Variants in SPARC observed in about 807,000 individuals in gnomAD.
The protein encoded by SPARC is secreted protein acidic and cysteine rich.
SPARC carries 23 observed loss-of-function variants against 37.7 expected under a neutral mutation model. The ratio of observed to expected loss-of-function variants is 0.61; its 90% CI spans 0.44 to 0.87. The LOEUF (loss-of-function observed/expected upper bound fraction) is 0.87. Ranked by LOEUF, SPARC falls within the 40% of genes least tolerant of loss-of-function variation. The pLI, the probability that SPARC is intolerant of heterozygous loss-of-function variation, is 0.00. For missense variants in SPARC, 312 were observed against 389.0 expected (o/e 0.80, Z 1.66); for synonymous variants, 155 against 150.8 (o/e 1.03, Z -0.20).
chr5:151,683,978 T>C lies in SPARC; in HGVS notation c.-14+2887A>G, dbSNP rs185442636. Among the ~76,000 whole-genome samples the C allele has an allele frequency of 4.6e-5, 7 of 152,350 alleles. No individual in the cohort carries two copies. In the East Asian group the frequency reaches 1.3e-3, roughly 29 times the overall value. On this transcript the variant is annotated intron_variant, in intron 1 of 9. Transcript: ENST00000231061. Reference sequence around the variant, plus strand: ...ATATTTATCTACCTACATAAACAACTTCAAAAGCCAAATATTCTACTGTTT... The same window carrying C: ...ATATTTATCTACCTACATAAACAACCTCAAAAGCCAAATATTCTACTGTTT...
chr5:151,682,460 A>T (rs888559264), intron 1 of SPARC, among the ~76,000 whole-genome samples: 2 of 152,178 alleles, frequency 1.3e-5, no homozygotes, highest in Non-Finnish European at 2.9e-5. Context: ...TCCCAAAGAT[A>T]GCAAATATGT....
intron 1 of SPARC, among the ~76,000 whole-genome samples, chr5:151,677,768 T>A (rs1313068918): frequency 6.6e-6 from 1 of 152,216 alleles, no homozygotes; most frequent in Non-Finnish European, 1.5e-5. Context: ...CACTTCATAA[T>A]GGTCCTTTCT....
chr5:151,679,829 C>T (rs1004697101), intron 1 of SPARC: 2 of 152,200 alleles, frequency 1.3e-5, no homozygotes, highest in Non-Finnish European at 2.9e-5. Flanking sequence ...AACGTTAGAA[C>T]AGGGGGGATA....
intron 3 of SPARC, among the ~76,000 whole-genome samples, chr5:151,674,406 C>G (rs1760812886): frequency 6.6e-6 from 1 of 152,144 alleles, no homozygotes. Context: ...TCCTGGTCCC[C>G]AAACGTAGGG....
chr5:151,684,207 G>A (rs141539206), intron 1 of SPARC, among the ~76,000 whole-genome samples: 160 of 152,264 alleles, frequency 1.1e-3, no homozygotes, highest in African/African-American at 3.6e-3. Flanking sequence ...CTTTTCAACT[G>A]GGGGTGCAGT....
rs1053411 is a variant in SPARC at position 151,663,542 on chromosome 5, G to C, written c.*29C>G. 0.16 allele frequency: 259,959 copies of C among 1,605,196 alleles called. 25,389 individuals are homozygous for C. Among genetic ancestry groups the C allele is most frequent in the East Asian group, 0.41 (18,290 of 44,816 alleles). ...GAAACACGAAGGGGAGGGTTAAAGA[G>C]AGAATCCGGTACTGTGGAAGGAGTG... On this transcript the variant is annotated 3_prime_UTR_variant, in exon 10 of 10. Transcript: ENST00000231061.
intron 8 of SPARC, among the ~76,000 whole-genome samples, chr5:151,665,237 A>T (rs1760596077): frequency 6.6e-6 from 1 of 152,132 alleles, no homozygotes; most frequent in African/African-American, 2.4e-5. Context: ...CTTGCACCCC[A>T]TCTGAAAGCC....
chr5:151,667,322 G>T, intron 7 of SPARC, 145 bp downstream of exon 7: 1 of 853,752 alleles, frequency 1.2e-6, no homozygotes. Flanking sequence ...GCCTCCAAAG[G>T]CAGGAAGAGA....
At chr5:151,674,579 G>A in intron 3 of SPARC, 33 bp downstream of exon 3, 1 of 1,607,898 alleles carries the variant, frequency 6.2e-7, no homozygotes, top group Non-Finnish European at 8.5e-7. Context: ...CAGGTAGAGA[G>A]GGGCTAAGGG....
At position 151,667,497 on chromosome 5, in the gene SPARC, G is replaced by A. The variant is rs1760650414; in HGVS notation, c.555C>T (p.Asn185=). The change falls in exon 7 of 10, where the codon AAC becomes AAT. Residue 185 remains asparagine (N), a synonymous_variant. Coordinates refer to ENST00000231061, the MANE Select transcript of SPARC (RefSeq NM_003118.4). The part of the protein sequence containing the change: ...LVTLYERDED[N]NLLTEKQKLR... ...GCTTCTGCTTCTCAGTCAGAAGGTTGTTGTCCTCATCCCTCTCATACAGGG... is the reference window on the plus strand; with the variant it reads ...GCTTCTGCTTCTCAGTCAGAAGGTTATTGTCCTCATCCCTCTCATACAGGG... 2 of 1,614,122 alleles carry A rather than the reference G, an allele frequency of 1.2e-6. No individual in the cohort carries two copies. Among genetic ancestry groups the A allele is most frequent in the African/African-American group, 1.3e-5 (1 of 74,940 alleles).
chr5:151,675,654 T>A (rs1561921201), intron 2 of SPARC, among the ~76,000 whole-genome samples: 1 of 152,196 alleles, frequency 6.6e-6, no homozygotes, highest in Non-Finnish European at 1.5e-5. Context: ...GCCTTTAATA[T>A]TATAATCTAC....
chr5:151,675,534 A>C (rs1014215083), intron 2 of SPARC, among the ~76,000 whole-genome samples: 4 of 152,148 alleles, frequency 2.6e-5, no homozygotes, highest in African/African-American at 9.7e-5. Flanking sequence ...CATTCTCTCA[A>C]GATGTGAAAA....
intron 3 of SPARC, among the ~76,000 whole-genome samples, 191 bp downstream of exon 3, chr5:151,674,421 G>A (rs1018728010): frequency 1.3e-5 from 2 of 152,136 alleles, no homozygotes; most frequent in Admixed American, 6.5e-5. Flanking sequence ...GTAGGGTTCC[G>A]TTGAAGGTTT....
intron 3 of SPARC, among the ~76,000 whole-genome samples, chr5:151,673,759 T>C (rs1052413675): frequency 1.3e-5 from 2 of 152,194 alleles, no homozygotes; most frequent in Admixed American, 1.3e-4. Context: ...ACATGTTGAT[T>C]GAAGTCTCGT....
chr5:151,669,133 G>T (rs1476927620), intron 6 of SPARC, among the ~76,000 whole-genome samples: 1 of 152,196 alleles, frequency 6.6e-6, no homozygotes, highest in Non-Finnish European at 1.5e-5. Flanking sequence ...TTCCAGAAGA[G>T]GGTGCTTATC....
intron 1 of SPARC, among the ~76,000 whole-genome samples, chr5:151,680,948 G>A (rs1760974612): frequency 6.6e-6 from 1 of 152,122 alleles, no homozygotes; most frequent in Non-Finnish European, 1.5e-5. Flanking sequence ...GGGGTGTTTG[G>A]GTGGAACAAA....
chr5:151,665,340 T>C (rs1760597757), intron 8 of SPARC, among the ~76,000 whole-genome samples: 1 of 152,018 alleles, frequency 6.6e-6, no homozygotes, highest in African/African-American at 2.4e-5. Context: ...CCATAATGAG[T>C]GACTCAGTTG....
chr5:151,683,401 AT>A (rs1213300433), intron 1 of SPARC, among the ~76,000 whole-genome samples: 1 of 152,042 alleles, frequency 6.6e-6, no homozygotes, highest in Non-Finnish European at 1.5e-5. Flanking sequence ...ACAAATGGGG[AT>A]TGGGGGGGAA....
In SPARC at chr5:151,666,905, T is replaced by G. The variant is rs568877744; in HGVS notation, c.586-396A>C. Among the ~76,000 whole-genome samples, 33 of 152,268 alleles carry G rather than the reference T, an allele frequency of 2.2e-4. No individual in the cohort carries two copies. In the East Asian group the frequency reaches 6.2e-3, roughly 28 times the overall value. On this transcript the variant is annotated intron_variant, in intron 7 of 9. Coordinates refer to ENST00000231061, the MANE Select transcript of SPARC (RefSeq NM_003118.4). ...GCCAGGTGTGGTAGCATGCCTGCAG[T>G]CCCAGCTACTCAGGAGGCTGAGGCA...
Sources: gnomAD v4.1 joint callset for allele counts (sites outside exome capture counted in the v4.1 genomes callset) on GRCh38, gnomAD v4.1.1 for gene constraint, MANE v1.5 for transcripts, NCBI Gene and HGNC (gene_info 2026-07-23, HGNC 2026-07-21) for gene names.